The following TCF4 variants were observed in gnomAD, a reference collection of about 807,000 sequenced individuals.
The protein encoded by TCF4 is transcription factor 4.
In TCF4, 3 loss-of-function variants were observed where a neutral mutation model predicts 82.1. The ratio of observed to expected loss-of-function variants is 0.04; its 90% CI spans 0.02 to 0.09. The LOEUF (loss-of-function observed/expected upper bound fraction) is 0.09, where lower values mean the gene tolerates loss of function less well. TCF4 is among the 10% of genes least tolerant of loss of function. The pLI is 1.00. For missense variants in TCF4, 518 were observed against 852.7 expected, an observed-to-expected ratio of 0.61 and a Z score of 4.89; for synonymous variants, 276 against 309.6, an observed-to-expected ratio of 0.89 and a Z score of 1.14.
At chr18:55,624,408 G>C (rs1344027623) in intron 2 of TCF4, among the ~76,000 whole-genome samples, 1 of 152,060 alleles carries the variant, frequency 6.6e-6, no homozygotes, top group African/African-American at 2.4e-5. Context: ...CCCTCAGGAA[G>C]TCAGTGCATG....
At chr18:55,488,107 T>C (rs2145738879) in intron 3 of TCF4, among the ~76,000 whole-genome samples, 1 of 152,228 alleles carries the variant, frequency 6.6e-6, no homozygotes, top group East Asian at 1.9e-4. Flanking sequence ...AACAAAACTA[T>C]TCTCAATATT....
intron 8 of TCF4, among the ~76,000 whole-genome samples, chr18:55,319,439 C>T (rs1436413235): frequency 6.6e-6 from 1 of 152,120 alleles, no homozygotes; most frequent in Non-Finnish European, 1.5e-5. Flanking sequence ...ACTTTGCTGT[C>T]TGTTTCATAA....
intron 3 of TCF4, among the ~76,000 whole-genome samples, chr18:55,539,150 A>G (rs2097144094): frequency 6.6e-6 from 1 of 152,168 alleles, no homozygotes; most frequent in Admixed American, 6.5e-5. Flanking sequence ...GCCAGAACAA[A>G]AAACACAGAA....
chr18:55,616,917 T>G (rs2097712706), intron 2 of TCF4, among the ~76,000 whole-genome samples: 1 of 152,172 alleles, frequency 6.6e-6, no homozygotes, highest in South Asian at 2.1e-4. Context: ...TTTTCTTAGC[T>G]GTGCAGAAAC....
intron 5 of TCF4, among the ~76,000 whole-genome samples, chr18:55,428,686 T>A (rs1274979115): frequency 6.6e-5 from 10 of 152,246 alleles, no homozygotes; most frequent in Non-Finnish European, 1.5e-5. Flanking sequence ...ATCATTATCT[T>A]CATTTTTAAG....
At chr18:55,542,741 C>T (rs1056310635) in intron 3 of TCF4, among the ~76,000 whole-genome samples, 4 of 151,958 alleles carry the variant, frequency 2.6e-5, no homozygotes, top group African/African-American at 7.2e-5. Context: ...TATTTTCATA[C>T]ATTTATGAAG....
intron 1 of TCF4, chr18:55,635,626 C>T: frequency 6.8e-7 from 1 of 1,475,520 alleles, no homozygotes; most frequent in Non-Finnish European, 9.0e-7. Flanking sequence ...TTATGTTTGG[C>T]CATGGTGGCC....
At chr18:55,444,233 T>C (rs1314554105) in intron 5 of TCF4, among the ~76,000 whole-genome samples, 1 of 152,188 alleles carries the variant, frequency 6.6e-6, no homozygotes, top group African/African-American at 2.4e-5. Context: ...ACTTAATGAT[T>C]TTAGTGGACC....
intron 10 of TCF4, among the ~76,000 whole-genome samples, chr18:55,271,085 G>A (rs537410596): frequency 9.9e-5 from 15 of 152,054 alleles, no homozygotes; most frequent in Admixed American, 3.9e-4. Context: ...ATTTGCTCAC[G>A]AGGAATGAAA....
chr18:55,244,738 T>A (rs773219133), intron 15 of TCF4, among the ~76,000 whole-genome samples: 54 of 152,196 alleles, frequency 3.5e-4, no homozygotes, highest in Non-Finnish European at 8.8e-5. Context: ...AAATACCAGC[T>A]GTTTCCCATC....
intron 8 of TCF4, among the ~76,000 whole-genome samples, chr18:55,296,921 G>A (rs2066652404): frequency 6.6e-6 from 1 of 152,162 alleles, no homozygotes; most frequent in Admixed American, 6.5e-5. Flanking sequence ...GGTGAGCCAA[G>A]CCATGCTTTG....
intron 5 of TCF4, among the ~76,000 whole-genome samples, chr18:55,433,913 G>A (rs1392444590): frequency 6.6e-6 from 1 of 152,038 alleles, no homozygotes. Flanking sequence ...TTCCTCTTCA[G>A]CTGTTACCCT....
At chr18:55,358,029 C>T (rs948414304) in intron 6 of TCF4, among the ~76,000 whole-genome samples, 2 of 152,212 alleles carry the variant, frequency 1.3e-5, no homozygotes, top group African/African-American at 2.4e-5. Context: ...AGCCAGTCTG[C>T]ACTCGATGAG....
chr18:55,455,691 A>C (rs914164571), intron 5 of TCF4, among the ~76,000 whole-genome samples: 3 of 152,200 alleles, frequency 2.0e-5, no homozygotes, highest in Non-Finnish European at 4.4e-5. Context: ...GAAGTTACTA[A>C]AGATTATTTG....
At chr18:55,555,253 T>C (rs1014342356) in intron 3 of TCF4, among the ~76,000 whole-genome samples, 1 of 152,096 alleles carries the variant, frequency 6.6e-6, no homozygotes, top group African/African-American at 2.4e-5. Context: ...GAAAATCTCA[T>C]ACTACAAATT....
At chr18:55,503,365 T>C (rs2096720706) in intron 3 of TCF4, among the ~76,000 whole-genome samples, 1 of 152,176 alleles carries the variant, frequency 6.6e-6, no homozygotes, top group Non-Finnish European at 1.5e-5. Context: ...AATTTCATCA[T>C]CATCATCATC....
chr18:55,473,921 T>C (rs2096239091), intron 3 of TCF4, among the ~76,000 whole-genome samples: 2 of 152,140 alleles, frequency 1.3e-5, no homozygotes, highest in South Asian at 4.1e-4. Flanking sequence ...TACTGCCCTA[T>C]AAAAGTCTCA....
At chr18:55,576,789 G>A (rs1273336746) in intron 3 of TCF4, among the ~76,000 whole-genome samples, 1 of 151,952 alleles carries the variant, frequency 6.6e-6, no homozygotes, top group Admixed American at 6.6e-5. Context: ...ATTTTCTCCT[G>A]TTAGAAGAAG....
chr18:55,368,517 C>A (rs915142983), intron 6 of TCF4, among the ~76,000 whole-genome samples: 11 of 151,828 alleles, frequency 7.2e-5, no homozygotes, highest in African/African-American at 2.4e-4. Context: ...TTAAAAAAAA[C>A]AAAAAAACAA....
Sources: allele counts gnomAD v4.1 joint callset (sites outside exome capture counted in the v4.1 genomes callset), GRCh38; gene constraint gnomAD v4.1.1; transcripts MANE v1.5; gene names NCBI Gene and HGNC (gene_info 2026-07-23, HGNC 2026-07-21).